The following AKAP4 variants were observed in gnomAD, a reference collection of about 807,000 sequenced individuals.
AKAP4 encodes A-kinase anchoring protein 4, also known as A-kinase anchor protein 4.
AKAP4 carries 4 observed loss-of-function variants against 42.6 expected under a neutral mutation model. The ratio of observed to expected loss-of-function variants is 0.09; its 90% CI spans 0.05 to 0.22. The LOEUF (loss-of-function observed/expected upper bound fraction) is 0.22. AKAP4 is among the 10% of genes least tolerant of loss of function. The pLI, the probability that AKAP4 is intolerant of heterozygous loss-of-function variation, is 1.00. For missense variants in AKAP4, 551 were observed against 630.7 expected (o/e 0.87, Z 1.35); for synonymous variants, 223 against 233.0 (o/e 0.96, Z 0.39).
intron 5 of AKAP4, 55 bp downstream of exon 5, chrX:50,192,249 C>T: frequency 2.0e-6 from 2 of 1,007,216 alleles, no homozygotes; most frequent in East Asian, 3.3e-5. Context: ...TACAATGCTG[C>T]CTCCCTGCCT....
At chrX:50,196,381 A>G (rs1009067514) in intron 4 of AKAP4, among the ~76,000 whole-genome samples, 4 of 111,733 alleles carry the variant, frequency 3.6e-5, no homozygotes, top group Non-Finnish European at 7.5e-5. Flanking sequence ...AACAGATATA[A>G]TTTTGGATAC....
rs1471175367 is a variant in AKAP4, at chrX:50,193,449, T to C, written c.1264A>G (p.Ile422Val). The change falls in exon 5 of 6, where the codon ATC becomes GTC. Residue 422 changes from isoleucine to valine, a missense_variant. By Grantham distance (29) the Ile-to-Val change is conservative. Transcript: ENST00000358526. ...FNQWKQNATDIMEAMLKRLVS... is the reference protein window; with the variant it reads ...FNQWKQNATDVMEAMLKRLVS... ...AAGCGCTTCAGCATGGCCTCCATGA[T>C]GTCTGTAGCATTTTGTTTCCACTGG... is the stretch of plus-strand genomic sequence containing the variant. The C allele has an allele frequency of 3.3e-6, 4 of 1,210,455 alleles. No homozygotes were observed. The Admixed American group carries it at 8.7e-5, about 26-fold the overall frequency.
chrX:50,198,214 T>C (rs1266895425), intron 2 of AKAP4, among the ~76,000 whole-genome samples: 1 of 111,682 alleles, frequency 9.0e-6, no homozygotes, highest in Non-Finnish European at 1.9e-5. Context: ...AAATACATAT[T>C]AATTAAATAA....
In AKAP4 at chrX:50,193,204, C is replaced by G. The variant is rs143420996; in HGVS notation, c.1509G>C (p.Glu503Asp). The G allele has an allele frequency of 1.1e-4, 133 of 1,210,039 alleles. 1 individual carries two copies. The African/African-American group carries it at 2.1e-3, about 19-fold the overall frequency. ...AEKVGEHILK[E>D]GLTIWNQKQG... ...GCTTTTGGTTCCAGATGGTTAGGCC[C>G]TCTTTGAGAATGTGTTCACCGACTT... Residue 503 changes from glutamate to aspartate, a missense_variant, in exon 5 of 6, where the codon GAG (glutamate) becomes GAC (aspartate). Transcript: ENST00000358526.
Position 50,194,149 on chromosome X carries a change from A to T in AKAP4, c.564T>A (p.Asn188Lys). 8.3e-7 allele frequency: 1 copy of T among 1,211,404 alleles called. No homozygotes were observed. Among genetic ancestry groups the T allele is most frequent in the Non-Finnish European group, 1.1e-6 (1 of 895,396 alleles). Residue 188 changes from asparagine (N) to lysine (K), a missense_variant, in exon 5 of 6, where the codon AAT becomes AAA. Transcript: ENST00000358526. ...TGGCTGGAGGAGCTGAAGGACTTTG[A>T]TTATTGTTGGTGTTTTTAGCTGCTG... ...EMTAAKNTNN[N>K]QSPSAPPAKP...
chrX:50,200,734 A>T, intron 1 of AKAP4, 129 bp downstream of exon 1: 1 of 614,508 alleles, frequency 1.6e-6, no homozygotes, highest in South Asian at 2.9e-5. Flanking sequence ...GTTGATCAAA[A>T]TCTTTTCTGG....
rs909735388 is a variant in AKAP4, at chrX:50,200,255, T to C, written c.27+608A>G. The C allele has an allele frequency of 2.5e-5, 19 of 752,046 alleles. No homozygotes were observed. The Admixed American group carries it at 2.6e-4, about 10-fold the overall frequency. The allele number at this position is 752,046 out of a possible 1,213,427, so 62.0% of individuals were successfully genotyped here. A position where few individuals can be genotyped will look rare whatever the true frequency, so the allele number is the denominator to read the frequency against. ...CTTGATGATGAAGTTCTTTTAGATG[T>C]TTGGCTGAAAACGTGACACCCAGAA... is the stretch of plus-strand genomic sequence containing the variant. On this transcript the variant is annotated intron_variant, in intron 1 of 5. Transcript: ENST00000358526.
At chrX:50,196,860 G>A in intron 4 of AKAP4, 31 bp downstream of exon 4, 1 of 1,042,624 alleles carries the variant, frequency 9.6e-7, no homozygotes, top group South Asian at 1.9e-5. Flanking sequence ...CTGAGAATTA[G>A]AAGTGGTGGG....
intron 4 of AKAP4, among the ~76,000 whole-genome samples, chrX:50,194,841 T>C (rs1935169801): frequency 9.0e-6 from 1 of 111,654 alleles, no homozygotes. Flanking sequence ...TGTGCATATG[T>C]GTGACTATGT....
chrX:50,193,109 G>A lies in AKAP4; in HGVS notation c.1604C>T (p.Ala535Val). 8.3e-7 allele frequency: 1 copy of A among 1,211,889 alleles called. No homozygotes were observed. The highest frequency in any genetic ancestry group is 1.1e-6 in the Non-Finnish European group (1 of 895,541). Reference sequence around the variant, plus strand: ...GTCCTTGGCCAGTGAATCTGTGGAAGCATTGATCTTTTCTCCTTTCTCATC... The same window carrying A: ...GTCCTTGGCCAGTGAATCTGTGGAAACATTGATCTTTTCTCCTTTCTCATC... ...NKDEKGEKINASTDSLAKDLI... is the reference protein window; with the variant it reads ...NKDEKGEKINVSTDSLAKDLI... Residue 535 changes from alanine (A) to valine (V), a missense_variant, in exon 5 of 6, where the codon GCT becomes GTT. Ala to Val is a moderately conservative substitution (Grantham distance 64, BLOSUM62 0). Transcript: ENST00000358526.
rs1557204410 is a variant in AKAP4 at position 50,196,877 on chromosome X, G to A, written c.276+14C>T. 2 of 1,144,788 alleles carry A rather than the reference G, an allele frequency of 1.7e-6. No individual in the cohort carries two copies. Among genetic ancestry groups the A allele is most frequent in the Non-Finnish European group, 2.4e-6 (2 of 834,943 alleles). 94.3% of individuals were successfully genotyped at this position (1,144,788 alleles called of 1,213,427 possible). ...GAGAATTAGAAGTGGTGGGATCTCA[G>A]AGGTTAAGTGTACCTTAGACTGGTC... On this transcript the variant is annotated intron_variant, in intron 4 of 5. Transcript: ENST00000358526.
intron 1 of AKAP4, 39 bp downstream of exon 1, chrX:50,200,824 G>A: frequency 8.5e-7 from 1 of 1,174,157 alleles, no homozygotes; most frequent in Non-Finnish European, 1.2e-6. Context: ...CCATTAAGAT[G>A]CCCCCTTAGC....
chrX:50,199,812 C>T (rs1935239127), intron 1 of AKAP4, among the ~76,000 whole-genome samples: 1 of 57,750 alleles, frequency 1.7e-5, no homozygotes, highest in Non-Finnish European at 3.2e-5. Flanking sequence ...CTCCCCTTTC[C>T]ATTCCCTCCC....
chrX:50,200,378 G>T, intron 1 of AKAP4: 1 of 755,152 alleles, frequency 1.3e-6, no homozygotes, highest in Non-Finnish European at 1.6e-6. Flanking sequence ...AGACTGAGGG[G>T]CCAGGCTTTC....
intron 2 of AKAP4, 135 bp from the exon 3 acceptor site, chrX:50,197,729 G>A: frequency 2.0e-6 from 1 of 498,841 alleles, no homozygotes; most frequent in Non-Finnish European, 3.2e-6. Context: ...TGGAAAGCAT[G>A]TAAAAGCAGA....
intron 5 of AKAP4, among the ~76,000 whole-genome samples, chrX:50,191,749 C>T (rs1471858008): frequency 1.8e-5 from 2 of 108,484 alleles, no homozygotes; most frequent in African/African-American, 6.7e-5. Flanking sequence ...ATCTGAGGAG[C>T]AGGGCCAGGA....
chrX:50,195,966 G>A (rs1223358273), intron 4 of AKAP4, among the ~76,000 whole-genome samples: 1 of 110,834 alleles, frequency 9.0e-6, no homozygotes, highest in Non-Finnish European at 1.9e-5. Context: ...GGAAATGTGA[G>A]GTCATGATAA....
intron 5 of AKAP4, among the ~76,000 whole-genome samples, chrX:50,191,831 C>T (rs1557203650): frequency 9.1e-6 from 1 of 110,179 alleles, no homozygotes; most frequent in African/African-American, 3.3e-5. Context: ...ACTTGCAGGA[C>T]CCATGAGTTT....
chrX:50,191,045 T>C lies in AKAP4; in HGVS notation c.2480A>G (p.Lys827Arg). ...ATCTGGTTGCCGTTCCTTGGCAAAC[T>C]TCATGACCTCTTGAAGAAGACCTCC... Reference protein sequence around the residue: ...SVGGLLQEVMKFAKERQPDEA... With the variant: ...SVGGLLQEVMRFAKERQPDEA... Residue 827 changes from lysine (K) to arginine (R), a missense_variant, in exon 6 of 6, where the codon AAG (lysine) becomes AGG (arginine). Transcript: ENST00000358526. 1.7e-6 allele frequency: 2 copies of C among 1,211,308 alleles called. No individual in the cohort carries two copies. The highest frequency in any genetic ancestry group is 2.2e-6 in the Non-Finnish European group (2 of 895,317).
Sources: allele counts gnomAD v4.1 joint callset (sites outside exome capture counted in the v4.1 genomes callset), GRCh38; gene constraint gnomAD v4.1.1; transcripts MANE v1.5; gene names NCBI Gene and HGNC (gene_info 2026-07-23, HGNC 2026-07-21).